The following WDR27 variants were observed in gnomAD, a reference collection of about 807,000 sequenced individuals.
WDR27 encodes WD repeat domain 27, also known as WD repeat-containing protein 27.
WDR27 carries 100 observed loss-of-function variants against 114.4 expected under a neutral mutation model. That is an observed-to-expected ratio of 0.87 (90% CI 0.74 to 1.03). WDR27 has a LOEUF of 1.03. WDR27 is among the 50% of genes least tolerant of loss of function. The pLI is 0.00. For synonymous variants in WDR27, 449 were observed against 423.1 expected, an observed-to-expected ratio of 1.06 and a Z score of -0.75; for missense variants, 1,129 against 1,092.9, an observed-to-expected ratio of 1.03 and a Z score of -0.47.
chr6:169,694,024 G>A (rs551515500), intron 1 of WDR27, among the ~76,000 whole-genome samples: 1 of 152,194 alleles, frequency 6.6e-6, no homozygotes, highest in African/African-American at 2.4e-5. Context: ...AAATGTAACA[G>A]TCATGCCGGG....
chr6:169,499,024 T>A (rs763174017), intron 25 of WDR27, among the ~76,000 whole-genome samples: 73 of 152,182 alleles, frequency 4.8e-4, no homozygotes, highest in Non-Finnish European at 8.8e-5. Context: ...TCAGATTATG[T>A]CAACAGCAAT....
intron 22 of WDR27, among the ~76,000 whole-genome samples, chr6:169,609,623 C>T (rs1584552697): frequency 6.6e-6 from 1 of 152,308 alleles, no homozygotes; most frequent in East Asian, 1.9e-4. Context: ...CCCATGAAAC[C>T]ACTTTTTCCT....
chr6:169,522,815 T>C (rs1249140876), intron 25 of WDR27, among the ~76,000 whole-genome samples: 1 of 151,872 alleles, frequency 6.6e-6, no homozygotes, highest in Non-Finnish European at 1.5e-5. Context: ...AAAATAGTAC[T>C]AAGAGGGAAG....
At position 169,659,289 on chromosome 6, in the gene WDR27, C is replaced by T; in HGVS notation, c.1198-82G>A. On this transcript the variant is annotated intron_variant, in intron 11 of 25. Transcript: ENST00000448612. The surrounding 1 kb of genome is among the most constrained non-coding windows in gnomAD (Gnocchi z 4.3). ...ACGTGCATCCGCACACGTATCCTAA[C>T]AGCTGCTTCATTCTCATAGCAGCGA... 6.4e-7 allele frequency: 1 copy of T among 1,557,434 alleles called. No individual in the cohort carries two copies. Among genetic ancestry groups the T allele is most frequent in the Non-Finnish European group, 8.7e-7 (1 of 1,148,962 alleles).
chr6:169,433,430 T>C, the WDR27 span, among the ~76,000 whole-genome samples: 2 of 152,234 alleles, frequency 1.3e-5, no homozygotes, highest in Non-Finnish European at 2.9e-5. Flanking sequence ...TCATTCTTTT[T>C]TATGGCTGCA....
rs1052250764 is a variant in WDR27, at chr6:169,565,682, T to C, written c.2645+6737A>G. ...AAACCAAGTAACATTTTTAAAATTA[T>C]TCTGTTTTTAGGGATAGGGTCTCGC... On this transcript the variant is annotated intron_variant, in intron 25 of 25. Transcript: ENST00000448612. Among the ~76,000 whole-genome samples the C allele has an allele frequency of 3.9e-5, 6 of 152,350 alleles. No individual in the cohort carries two copies. The South Asian group carries it at 1.2e-3, about 32-fold the overall frequency.
chr6:169,569,445 TA>T (rs1801015397), intron 25 of WDR27, among the ~76,000 whole-genome samples: 1 of 152,220 alleles, frequency 6.6e-6, no homozygotes, highest in Non-Finnish European at 1.5e-5. Context: ...TTAAAATTGT[TA>T]AGCTTCATTT....
At chr6:169,437,075 T>C in the WDR27 span, among the ~76,000 whole-genome samples, 7 of 152,090 alleles carry the variant, frequency 4.6e-5, no homozygotes, top group Admixed American at 6.6e-5. Flanking sequence ...GTCTCAAAGA[T>C]AGGGGGAAGA....
chr6:169,508,390 G>C (rs1367781503), intron 25 of WDR27, among the ~76,000 whole-genome samples: 1 of 152,218 alleles, frequency 6.6e-6, no homozygotes, highest in Non-Finnish European at 1.5e-5. Flanking sequence ...AAATGCATCA[G>C]AGCAAATAAG....
intron 21 of WDR27, among the ~76,000 whole-genome samples, chr6:169,629,927 CAAAAAAA>C (rs747455041): frequency 1.5e-4 from 8 of 52,424 alleles, no homozygotes; most frequent in Non-Finnish European, 2.5e-4. Flanking sequence ...AACTTCATCT[CAAAAAAA>C]AAAAAAAAAA....
intron 25 of WDR27, among the ~76,000 whole-genome samples, chr6:169,479,419 A>G (rs1467002955): frequency 1.3e-5 from 2 of 152,200 alleles, no homozygotes; most frequent in African/African-American, 2.4e-5. Flanking sequence ...ATCACAAAAG[A>G]CAAAGAAGGA....
chr6:169,625,683 C>T (rs1202957459), intron 21 of WDR27, among the ~76,000 whole-genome samples: 1 of 152,164 alleles, frequency 6.6e-6, no homozygotes, highest in Non-Finnish European at 1.5e-5. Flanking sequence ...CAGTGTGGAG[C>T]CTTAGCTGCT....
chr6:169,566,438 G>A lies in WDR27; in HGVS notation c.2645+5981C>T, dbSNP rs1419452874. On this transcript the variant is annotated intron_variant, in intron 25 of 25. Coordinates refer to ENST00000448612, the MANE Select transcript of WDR27 (RefSeq NM_182552.5). Reference sequence around the variant, plus strand: ...AGACCCTGAGAGTGGCCACTGTCCCGGGGGCCTCGAAGAGACTCTCAAACC... The same window carrying A: ...AGACCCTGAGAGTGGCCACTGTCCCAGGGGCCTCGAAGAGACTCTCAAACC... Among the ~76,000 whole-genome samples the A allele has an allele frequency of 3.3e-5, 5 of 152,344 alleles. No individual in the cohort carries two copies. In the East Asian group the frequency reaches 5.8e-4, roughly 18 times the overall value.
intron 23 of WDR27, among the ~76,000 whole-genome samples, chr6:169,584,389 G>A (rs910038201): frequency 3.3e-5 from 5 of 152,104 alleles, no homozygotes; most frequent in Non-Finnish European, 5.9e-5. Flanking sequence ...AACATGGGAG[G>A]GCAGGTGACT....
intron 25 of WDR27, among the ~76,000 whole-genome samples, chr6:169,523,637 T>C (rs1186325097): frequency 1.3e-5 from 2 of 150,726 alleles, no homozygotes; most frequent in African/African-American, 2.5e-5. Context: ...TGCCAACATA[T>C]ACAAATTAAT....
At chr6:169,633,503 G>A (rs1242122030) in intron 20 of WDR27, among the ~76,000 whole-genome samples, 6 of 152,222 alleles carry the variant, frequency 3.9e-5, no homozygotes, top group Non-Finnish European at 7.3e-5. Flanking sequence ...CACGATGGGA[G>A]ACACAACCCA....
intron 24 of WDR27, among the ~76,000 whole-genome samples, chr6:169,576,303 C>T (rs1802330636): frequency 6.6e-6 from 1 of 152,220 alleles, no homozygotes; most frequent in Non-Finnish European, 1.5e-5. Flanking sequence ...TGCCCCATGG[C>T]AGCCAGCAGG....
chr6:169,589,495 C>A (rs978310535), intron 23 of WDR27, among the ~76,000 whole-genome samples: 10 of 152,132 alleles, frequency 6.6e-5, no homozygotes, highest in African/African-American at 2.2e-4. Flanking sequence ...CACTGAATGA[C>A]ATAATACAGT....
At position 169,688,946 on chromosome 6, in the gene WDR27, T is replaced by C. The variant is rs780205217; in HGVS notation, c.60A>G (p.Ile20Met). 6.2e-7 allele frequency: 1 copy of C among 1,613,912 alleles called. No individual in the cohort carries two copies. The highest frequency in any genetic ancestry group is 1.1e-5 in the South Asian group (1 of 91,060). Residue 20 changes from isoleucine to methionine, a missense_variant, in exon 2 of 26, where the codon ATA becomes ATG. Physicochemically the swap from Ile to Met is conservative, Grantham distance 10. Transcript: ENST00000448612. ...CCTTGGATTCAACCAGGTATTTTTC[T>C]ATAACTATATCACTTAGACAGCCAC... ...SNGGCLSDIV[I>M]EKYLVESKES...
Sources: allele counts gnomAD v4.1 joint callset (sites outside exome capture counted in the v4.1 genomes callset), GRCh38; gene constraint gnomAD v4.1.1; non-coding constraint Gnocchi (gnomAD v3.1); transcripts MANE v1.5; gene names NCBI Gene and HGNC (gene_info 2026-07-23, HGNC 2026-07-21).